RAD51B: variants seen among roughly 807,000 people sequenced by gnomAD.
RAD51B encodes RAD51 paralog B.
Under a neutral mutation model 42.2 loss-of-function variants are expected in RAD51B, and 38 were observed. The ratio of observed to expected loss-of-function variants is 0.90; its 90% CI spans 0.70 to 1.18. The LOEUF is 1.18. Among genes scored for constraint, RAD51B ranks in the 50% most tolerant of loss-of-function variants. RAD51B has a pLI of 0.00. For missense variants in RAD51B, 373 were observed against 400.7 expected (o/e 0.93, Z 0.59); for synonymous variants, 154 against 145.2 (o/e 1.06, Z -0.43).
chr14:67,972,954 T>C (rs1161947221), intron 7 of RAD51B, among the ~76,000 whole-genome samples: 2 of 152,110 alleles, frequency 1.3e-5, no homozygotes, highest in Non-Finnish European at 2.9e-5. Context: ...CTTGTATGAG[T>C]AGATCCCAAC....
At chr14:68,359,757 C>T (rs1319572276) in intron 8 of RAD51B, among the ~76,000 whole-genome samples, 1 of 152,194 alleles carries the variant, frequency 6.6e-6, no homozygotes, top group African/African-American at 2.4e-5. Flanking sequence ...TGTTTTTTCT[C>T]TCTCTAAAAA....
At chr14:68,303,483 A>C (rs1313012370) in intron 8 of RAD51B, among the ~76,000 whole-genome samples, 3 of 151,934 alleles carry the variant, frequency 2.0e-5, no homozygotes. Flanking sequence ...AAAAGAAAAG[A>C]AAAAGAAATA....
At chr14:68,610,298 A>G (rs574684224) in intron 10 of RAD51B, among the ~76,000 whole-genome samples, 1 of 152,124 alleles carries the variant, frequency 6.6e-6, no homozygotes, top group East Asian at 1.9e-4. Context: ...CTTCTGCTCT[A>G]TTTTTCAGAT....
At chr14:68,510,853 C>G (rs1183292491) in intron 10 of RAD51B, among the ~76,000 whole-genome samples, 1 of 152,190 alleles carries the variant, frequency 6.6e-6, no homozygotes, top group African/African-American at 2.4e-5. Context: ...ATAAAAAAGC[C>G]CCTGCATTTG....
At chr14:68,548,054 C>T (rs1888326126) in intron 10 of RAD51B, among the ~76,000 whole-genome samples, 2 of 152,210 alleles carry the variant, frequency 1.3e-5, no homozygotes. Context: ...TGGGTTCCTC[C>T]TGGAGAGTTT....
chr14:68,324,440 T>G (rs73272271), intron 8 of RAD51B, among the ~76,000 whole-genome samples: 4,484 of 152,216 alleles, frequency 0.029, 235 homozygotes, highest in African/African-American at 0.1. Flanking sequence ...AGGTACCCTA[T>G]CTCTTTATCT....
rs559011965 is a variant in RAD51B, at chr14:68,025,755, C to G, written c.756+138551C>G. On this transcript the variant is annotated intron_variant, in intron 7 of 10. Coordinates refer to ENST00000471583, the MANE Select transcript of RAD51B (RefSeq NM_133510.4). ...TTATTTGTTTACTAATTTGATCTCT[C>G]TCTTTTTTGTTAATTTAGCTAGCAG... Among the ~76,000 whole-genome samples, 27 of 151,750 alleles carry G rather than the reference C, an allele frequency of 1.8e-4. 1 individual carries two copies. Among genetic ancestry groups the G allele is most frequent in the Non-Finnish European group, 4.4e-5 (3 of 67,816 alleles).
chr14:68,176,806 C>T (rs963066355), intron 7 of RAD51B, among the ~76,000 whole-genome samples: 1 of 152,068 alleles, frequency 6.6e-6, no homozygotes, highest in Non-Finnish European at 1.5e-5. Context: ...AAAGAGGATA[C>T]GATTATGGAA....
rs747430756 is a variant in RAD51B, at chr14:68,291,947, G to C, written c.820G>C (p.Val274Leu). 5 of 1,613,668 alleles carry C rather than the reference G, an allele frequency of 3.1e-6. No homozygotes were observed. In the South Asian group the frequency reaches 4.4e-5, roughly 14 times the overall value. The change falls in exon 8 of 11, where the codon GTG (valine) becomes CTG (leucine). Residue 274 changes from valine to leucine, a missense_variant. Transcript: ENST00000471583. ...AGCCCTGGCTTCTCAGGCAGACCTG[G>C]TGTCTCCAGCTGATGATTTGTCCCT... ...SGALASQADLVSPADDLSLSE... is the reference protein window; with the variant it reads ...SGALASQADLLSPADDLSLSE...
chr14:67,946,754 A>G (rs1476116045), intron 7 of RAD51B, among the ~76,000 whole-genome samples: 2 of 149,986 alleles, frequency 1.3e-5, no homozygotes, highest in Non-Finnish European at 2.9e-5. Flanking sequence ...AACAAACAAA[A>G]CACACAGGTT....
rs567551724 is a variant in RAD51B at position 68,570,334 on chromosome 14, C to T, written c.1037-24151C>T. 1.8e-4 allele frequency among the ~76,000 whole-genome samples: 27 copies of T among 152,270 alleles called. 1 individual carries two copies. The highest frequency in any genetic ancestry group is 1.3e-3 in the Admixed American group (20 of 15,296). On this transcript the variant is annotated intron_variant, in intron 10 of 10. Transcript: ENST00000487270. ...GGGCCCAGAATTATGACTCTCTCCC[C>T]GGGGTCATTTGACTGCAAGGTTAGA...
intron 7 of RAD51B, among the ~76,000 whole-genome samples, chr14:67,939,576 A>G (rs2045086652): frequency 6.6e-6 from 1 of 152,164 alleles, no homozygotes; most frequent in Non-Finnish European, 1.5e-5. Flanking sequence ...GTATAGCTTC[A>G]CTGGGATTGT....
At chr14:67,881,407 C>T (rs1417699896) in intron 5 of RAD51B, among the ~76,000 whole-genome samples, 3 of 152,170 alleles carry the variant, frequency 2.0e-5, no homozygotes, top group African/African-American at 7.2e-5. Flanking sequence ...GTGGTTCTTT[C>T]CTCAACCTCA....
At chr14:68,373,379 C>T (rs756384370) in intron 8 of RAD51B, among the ~76,000 whole-genome samples, 4 of 152,106 alleles carry the variant, frequency 2.6e-5, no homozygotes, top group Non-Finnish European at 4.4e-5. Context: ...GTTTAATGCC[C>T]ATCAATGATA....
chr14:68,453,974 G>A (rs2085621225), intron 9 of RAD51B, among the ~76,000 whole-genome samples: 1 of 152,198 alleles, frequency 6.6e-6, no homozygotes. Flanking sequence ...TCCTCAGAGA[G>A]TTAAAGATGA....
intron 10 of RAD51B, among the ~76,000 whole-genome samples, chr14:68,579,973 G>T (rs765788988): frequency 6.6e-6 from 1 of 152,248 alleles, no homozygotes; most frequent in Admixed American, 6.5e-5. Context: ...GTGGGAGGGG[G>T]CGGTGCCCGC....
rs763967240 is a variant in RAD51B, at chr14:68,083,696, GA to G, written c.756+196499del. On this transcript the variant is annotated intron_variant, in intron 7 of 10. Transcript: ENST00000471583. ...GGAGAATATTTCATATTTCTTGATA[GA>G]AAAAAAGTAAGTTGCCATTCATGCA... Among the ~76,000 whole-genome samples, 5 of 152,030 alleles carry G rather than the reference GA, an allele frequency of 3.3e-5. No homozygotes were observed. In the East Asian group the frequency reaches 7.7e-4, roughly 23 times the overall value.
intron 7 of RAD51B, among the ~76,000 whole-genome samples, chr14:68,272,924 T>C (rs983388583): frequency 6.6e-6 from 1 of 151,362 alleles, no homozygotes; most frequent in African/African-American, 2.4e-5. Context: ...GACCTGGTGA[T>C]CCGCCTGCCT....
chr14:67,921,512 A>G (rs2044320635), intron 7 of RAD51B, among the ~76,000 whole-genome samples: 1 of 151,230 alleles, frequency 6.6e-6, no homozygotes, highest in South Asian at 2.1e-4. Flanking sequence ...GCATGTATTA[A>G]TGAAAGCAAG....
Sources: gnomAD v4.1 joint callset for allele counts (sites outside exome capture counted in the v4.1 genomes callset) on GRCh38, gnomAD v4.1.1 for gene constraint, MANE v1.5 for transcripts, NCBI Gene and HGNC (gene_info 2026-07-23, HGNC 2026-07-21) for gene names.